Variants in NFIX observed in about 807,000 individuals in gnomAD.
NFIX encodes the protein nuclear factor I X.
In NFIX, 2 loss-of-function variants were observed where a neutral mutation model predicts 53.3. That is an observed-to-expected ratio of 0.04 (90% CI 0.02 to 0.12). NFIX has a LOEUF of 0.12. Ranked by LOEUF, NFIX falls within the 10% of genes least tolerant of loss-of-function variation. The pLI is 1.00. For missense variants in NFIX, 310 were observed against 674.5 expected, an observed-to-expected ratio of 0.46 and a Z score of 5.99; for synonymous variants, 244 against 289.0, an observed-to-expected ratio of 0.84 and a Z score of 1.58.
rs1396394580 is a variant in NFIX at position 13,002,669 on chromosome 19, G to A, written c.27+6805G>A. The stretch of plus-strand genomic sequence containing the variant: ...AGCTGTGCCCAGAACTCCAAGTTGC[G>A]TTTGCCACCACTACCGATGTGGCTG... On this transcript the variant is annotated intron_variant, in intron 1 of 10. Coordinates refer to ENST00000592199, the MANE Select transcript of NFIX (RefSeq NM_001365902.3). This position sits in a 1 kb window ranked among gnomAD's most constrained non-coding sequence, Gnocchi z 6.1. Among the ~76,000 whole-genome samples, 2 of 152,216 alleles carry A rather than the reference G, an allele frequency of 1.3e-5. No individual in the cohort carries two copies. Among genetic ancestry groups the A allele is most frequent in the Non-Finnish European group, 2.9e-5 (2 of 68,032 alleles).
rs1459325680 is a variant in NFIX, at chr19:13,081,848, C to G, written c.1247C>G (p.Thr416Ser). Residue 416 changes from threonine (T) to serine (S), a missense_variant, in exon 8 of 11, where the codon ACC (threonine) becomes AGC (serine). Coordinates refer to ENST00000592199, the MANE Select transcript of NFIX (RefSeq NM_001365902.3). The surrounding 1 kb of genome is among the most constrained non-coding windows in gnomAD (Gnocchi z 4.7). ...FVCSDGSGQATGQPNGSGQGK... is the reference protein window; with the variant it reads ...FVCSDGSGQASGQPNGSGQGK... ...TGCTCGGATGGCTCGGGCCAGGCCA[C>G]CGGACAGGTGAGTCCAGAGGGCCCC... 14 of 1,613,870 alleles carry G rather than the reference C, an allele frequency of 8.7e-6. No homozygotes were observed. The highest frequency in any genetic ancestry group is 1.2e-5 in the Non-Finnish European group (14 of 1,179,888).
chr19:13,055,225 C>G lies in NFIX; in HGVS notation c.560-17822C>G, dbSNP rs139623414. On this transcript the variant is annotated intron_variant, in intron 2 of 10. Transcript: ENST00000592199. ...CCAAGCGCCAGGCACAACCCTCCCC[C>G]CCTCCCCACTCCTCCCTCCCACTTA... Among the ~76,000 whole-genome samples the G allele has an allele frequency of 9.4e-4, 142 of 151,642 alleles. 1 individual carries two copies. Among genetic ancestry groups the G allele is most frequent in the Middle Eastern group, 3.4e-3 (1 of 292 alleles).
intron 2 of NFIX, among the ~76,000 whole-genome samples, chr19:13,063,870 AT>A: frequency 6.6e-6 from 1 of 152,044 alleles, no homozygotes; most frequent in Non-Finnish European, 1.5e-5. Context: ...GGGCAAGTGT[AT>A]TTGGGGGTAG....
In NFIX at chr19:13,094,709, G is replaced by T. The variant is rs991335949; in HGVS notation, c.*60G>T. On this transcript the variant is annotated 3_prime_UTR_variant, in exon 11 of 11. Coordinates refer to ENST00000592199, the MANE Select transcript of NFIX (RefSeq NM_001365902.3). This position sits in a 1 kb window ranked among gnomAD's most constrained non-coding sequence, Gnocchi z 4.3. ...AGAGGTTCCTCGAAAGGGGGGAGAA[G>T]AAATTTTGAGAATGGAAAAATCCCC... 2.0e-6 allele frequency: 3 copies of T among 1,502,052 alleles called. No homozygotes were observed. The highest frequency in any genetic ancestry group is 2.8e-5 in the African/African-American group (2 of 72,154). 93.0% of individuals were successfully genotyped at this position (1,502,052 alleles called of 1,614,324 possible). A position where few individuals can be genotyped will look rare whatever the true frequency, so the allele number is the denominator to read the frequency against.
At chr19:12,999,544 C>T (rs1167056189) in intron 1 of NFIX, among the ~76,000 whole-genome samples, 1 of 152,186 alleles carries the variant, frequency 6.6e-6, no homozygotes, top group Non-Finnish European at 1.5e-5. Flanking sequence ...GCTTCCCCCT[C>T]CTTGCCACAG....
chr19:13,085,687 C>T (rs1220134580), intron 8 of NFIX, among the ~76,000 whole-genome samples: 1 of 152,188 alleles, frequency 6.6e-6, no homozygotes, highest in Non-Finnish European at 1.5e-5. Flanking sequence ...GAGTTGTCAC[C>T]CTTGGAGTGG....
At chr19:13,061,205 G>A (rs1254102123) in intron 2 of NFIX, among the ~76,000 whole-genome samples, 1 of 151,694 alleles carries the variant, frequency 6.6e-6, no homozygotes, top group Non-Finnish European at 1.5e-5. Context: ...CTATGCACCT[G>A]GCAGGTCCCC....
At position 12,998,417 on chromosome 19, in the gene NFIX, C is replaced by T. The variant is rs538914942; in HGVS notation, c.27+2553C>T. Among the ~76,000 whole-genome samples the T allele has an allele frequency of 2.0e-5, 3 of 149,652 alleles. No individual in the cohort carries two copies. The highest frequency in any genetic ancestry group is 2.2e-4 in the South Asian group (1 of 4,540). The stretch of plus-strand genomic sequence containing the variant: ...TTGAGCAGGAACGAGCTTGGAGCAG[C>T]GGGGCCCTGGCGGGGAAAGGTACTG... On this transcript the variant is annotated intron_variant, in intron 1 of 10. Coordinates refer to ENST00000592199, the MANE Select transcript of NFIX (RefSeq NM_001365902.3). This position sits in a 1 kb window ranked among gnomAD's most constrained non-coding sequence, Gnocchi z 4.4.
intron 1 of NFIX, among the ~76,000 whole-genome samples, chr19:12,999,531 C>T (rs531902358): frequency 1.3e-5 from 2 of 152,018 alleles, no homozygotes; most frequent in African/African-American, 2.4e-5. Flanking sequence ...TGCACCAATG[C>T]GTGCTTCCCC....
chr19:13,015,664 A>G (rs1055232660), intron 1 of NFIX, among the ~76,000 whole-genome samples: 1 of 152,084 alleles, frequency 6.6e-6, no homozygotes, highest in Non-Finnish European at 1.5e-5. Context: ...CTCAGACACT[A>G]AGGCTGTTTG....
At chr19:13,018,836 G>A (rs967302896) in intron 1 of NFIX, among the ~76,000 whole-genome samples, 3 of 152,344 alleles carry the variant, frequency 2.0e-5, no homozygotes, top group African/African-American at 7.2e-5. Flanking sequence ...TACGAAGCCG[G>A]CTTCTTTTGG....
At chr19:13,033,320 C>T (rs2013954185) in intron 2 of NFIX, among the ~76,000 whole-genome samples, 1 of 152,136 alleles carries the variant, frequency 6.6e-6, no homozygotes, top group Admixed American at 6.5e-5. Flanking sequence ...CTTACTTTGT[C>T]TATAATGGAT....
At chr19:13,024,896 G>T in intron 1 of NFIX, 125 bp from the exon 2 acceptor site, 1 of 1,332,266 alleles carries the variant, frequency 7.5e-7, no homozygotes, top group Non-Finnish European at 1.0e-6. Context: ...AGGAGGAGGA[G>T]AAGGCGGTTT....
rs1481045000 is a variant in NFIX at position 13,093,197 on chromosome 19, C to T, written c.1495-1438C>T. The stretch of plus-strand genomic sequence containing the variant: ...AGAAACCACTTGTGGCTAGTGGCTA[C>T]TGCAATGGAAATGAGAACATTTCCA... On this transcript the variant is annotated intron_variant, in intron 10 of 10. Transcript: ENST00000592199. The surrounding 1 kb of genome is among the most constrained non-coding windows in gnomAD (Gnocchi z 4.7). Among the ~76,000 whole-genome samples the T allele has an allele frequency of 6.6e-6, 1 of 152,182 alleles. No homozygotes were observed. The highest frequency in any genetic ancestry group is 2.4e-5 in the African/African-American group (1 of 41,444).
intron 2 of NFIX, among the ~76,000 whole-genome samples, chr19:13,059,919 G>T: frequency 6.6e-6 from 1 of 151,780 alleles, no homozygotes; most frequent in Non-Finnish European, 1.5e-5. Context: ...AAGTAGCTGG[G>T]ACTAGAGGCA....
At chr19:13,007,105 G>C (rs1245669203) in intron 1 of NFIX, among the ~76,000 whole-genome samples, 1 of 152,040 alleles carries the variant, frequency 6.6e-6, no homozygotes, top group Non-Finnish European at 1.5e-5. Flanking sequence ...CATCTTCCCG[G>C]TTCGCTCCCT....
Position 13,066,928 on chromosome 19 carries a change from C to G in NFIX, c.560-6119C>G, listed in dbSNP as rs1312812145. The stretch of plus-strand genomic sequence containing the variant: ...CTTGGTCCCCTGAGTCTCCTGTCTG[C>G]TGAGACGGGGAGAACCCCTCTGTGA... On this transcript the variant is annotated intron_variant, in intron 2 of 10. Transcript: ENST00000592199. This position sits in a 1 kb window ranked among gnomAD's most constrained non-coding sequence, Gnocchi z 4.2. Among the ~76,000 whole-genome samples, 1 of 152,186 alleles carries G rather than the reference C, an allele frequency of 6.6e-6. No individual in the cohort carries two copies. Among genetic ancestry groups the G allele is most frequent in the Non-Finnish European group, 1.5e-5 (1 of 68,038 alleles).
intron 2 of NFIX, among the ~76,000 whole-genome samples, chr19:13,065,663 C>A (rs1307299031): frequency 6.6e-6 from 1 of 152,144 alleles, no homozygotes; most frequent in African/African-American, 2.4e-5. Context: ...CCTTCTCTCT[C>A]TCCTTTGCTG....
chr19:13,026,120 T>A (rs1422988209), intron 2 of NFIX, among the ~76,000 whole-genome samples: 2 of 152,188 alleles, frequency 1.3e-5, no homozygotes, highest in African/African-American at 4.8e-5. Context: ...GCAGATTCTG[T>A]GGCCTAAATA....
Sources: allele counts gnomAD v4.1 joint callset (sites outside exome capture counted in the v4.1 genomes callset), GRCh38; gene constraint gnomAD v4.1.1; non-coding constraint Gnocchi (gnomAD v3.1); transcripts MANE v1.5; gene names NCBI Gene and HGNC (gene_info 2026-07-23, HGNC 2026-07-21).